Variants in CDH12 observed in about 807,000 individuals in gnomAD.
CDH12 encodes the protein cadherin 12.
In CDH12, 41 loss-of-function variants were observed where a neutral mutation model predicts 74.1. The ratio of observed to expected loss-of-function variants is 0.55; its 90% CI spans 0.43 to 0.72. The LOEUF (loss-of-function observed/expected upper bound fraction) is 0.72, where lower values mean the gene tolerates loss of function less well. CDH12 is among the 30% of genes least tolerant of loss of function. The pLI is 0.00. For missense variants in CDH12, 945 were observed against 977.2 expected, an observed-to-expected ratio of 0.97 and a Z score of 0.44; for synonymous variants, 399 against 355.0, an observed-to-expected ratio of 1.12 and a Z score of -1.39.
At chr5:22,152,862 C>T (rs7709614) in intron 4 of CDH12, among the ~76,000 whole-genome samples, 2,542 of 152,276 alleles carry the variant, frequency 0.017, 27 homozygotes, top group East Asian at 0.022. Context: ...GATATTGTGG[C>T]ATTTGTCTCT....
chr5:22,525,468 G>C (rs1006494136), intron 1 of CDH12, among the ~76,000 whole-genome samples: 2 of 145,880 alleles, frequency 1.4e-5, no homozygotes, highest in Non-Finnish European at 3.0e-5. Flanking sequence ...TTTCTGGAGA[G>C]AGAGAGCAAG....
intron 3 of CDH12, among the ~76,000 whole-genome samples, chr5:22,242,949 C>T (rs1417754998): frequency 6.6e-6 from 1 of 151,892 alleles, no homozygotes; most frequent in African/African-American, 2.4e-5. Context: ...CTGATTTATT[C>T]CCCATCCCCG....
intron 5 of CDH12, among the ~76,000 whole-genome samples, chr5:22,011,013 G>T (rs1425968826): frequency 2.0e-5 from 3 of 152,012 alleles, no homozygotes; most frequent in African/African-American, 7.3e-5. Context: ...ACTAGCCCAG[G>T]TTTAGCTGAC....
At chr5:22,782,817 G>T (rs868477714) in intron 1 of CDH12, among the ~76,000 whole-genome samples, 1 of 152,086 alleles carries the variant, frequency 6.6e-6, no homozygotes, top group Non-Finnish European at 1.5e-5. Flanking sequence ...AGCATACCTA[G>T]AACATGCATT....
intron 3 of CDH12, among the ~76,000 whole-genome samples, chr5:22,379,730 T>C (rs1741680695): frequency 6.6e-6 from 1 of 152,144 alleles, no homozygotes; most frequent in Admixed American, 6.5e-5. Flanking sequence ...ATTATGAAGC[T>C]TCACTGCAAC....
chr5:22,337,605 C>T (rs1017025317), intron 3 of CDH12, among the ~76,000 whole-genome samples: 5 of 152,168 alleles, frequency 3.3e-5, no homozygotes, highest in African/African-American at 4.8e-5. Flanking sequence ...CCATGTAAAA[C>T]GTGACTTGCT....
At chr5:22,067,767 T>C (rs890642843) in intron 5 of CDH12, among the ~76,000 whole-genome samples, 6 of 152,108 alleles carry the variant, frequency 3.9e-5, no homozygotes, top group Non-Finnish European at 7.4e-5. Flanking sequence ...GATACTCTCC[T>C]TTTTAGAAAC....
chr5:22,348,287 T>G (rs1740209794), intron 3 of CDH12, among the ~76,000 whole-genome samples: 1 of 152,190 alleles, frequency 6.6e-6, no homozygotes, highest in Non-Finnish European at 1.5e-5. Flanking sequence ...ATGACGAGGT[T>G]CACTCTGAAC....
chr5:21,873,336 T>A (rs986308816), intron 6 of CDH12, among the ~76,000 whole-genome samples: 1 of 152,156 alleles, frequency 6.6e-6, no homozygotes, highest in Non-Finnish European at 1.5e-5. Context: ...TTAAGAAGTA[T>A]GAATGTAACC....
chr5:22,425,141 A>ATGTG (rs1384334058), intron 2 of CDH12, among the ~76,000 whole-genome samples: 15 of 96,748 alleles, frequency 1.6e-4, no homozygotes, highest in South Asian at 1.2e-3. Context: ...AAAATTATAT[A>ATGTG]TATGTGTGTG....
In CDH12 at chr5:22,586,506, A is replaced by ATATATATATAT. The variant is rs1366866807; in HGVS notation, c.-522-81143_-522-81142insATATATATATA. On this transcript the variant is annotated intron_variant, in intron 1 of 14. Transcript: ENST00000382254. The stretch of plus-strand genomic sequence containing the variant: ...GTATAATAAAATATATATATATATA[A>ATATATATATAT]ATAAAAATAAAACTTGAAGTAAAAT... Among the ~76,000 whole-genome samples the ATATATATATAT allele has an allele frequency of 2.2e-3, 282 of 129,080 alleles. 2 individuals are homozygous for ATATATATATAT. Among genetic ancestry groups the ATATATATATAT allele is most frequent in the African/African-American group, 8.0e-3 (270 of 33,946 alleles). 84.7% of individuals were successfully genotyped at this position (129,080 alleles called of 152,430 possible). A position where few individuals can be genotyped will look rare whatever the true frequency, so the allele number is the denominator to read the frequency against.
intron 1 of CDH12, among the ~76,000 whole-genome samples, chr5:22,731,188 G>A (rs938641124): frequency 6.6e-6 from 1 of 151,706 alleles, no homozygotes. Flanking sequence ...TTATTATTCA[G>A]GTTTCACTTA....
chr5:22,283,241 TATATATATATACACAC>T (rs1736986251), intron 3 of CDH12, among the ~76,000 whole-genome samples: 4 of 118,326 alleles, frequency 3.4e-5, no homozygotes, highest in African/African-American at 1.5e-4. Flanking sequence ...TATATATATA[TATATATATATACACAC>T]ACACACACAC....
intron 6 of CDH12, among the ~76,000 whole-genome samples, chr5:21,871,991 A>G (rs1400473700): frequency 6.6e-6 from 1 of 152,192 alleles, no homozygotes; most frequent in Non-Finnish European, 1.5e-5. Context: ...GACCCAAGGG[A>G]AAAGAATTAT....
intron 1 of CDH12, among the ~76,000 whole-genome samples, chr5:22,740,461 AG>A (rs1455419026): frequency 2.0e-5 from 3 of 151,960 alleles, no homozygotes; most frequent in African/African-American, 7.2e-5. Flanking sequence ...TCTTAGGGTG[AG>A]TTAAAAGGCT....
intron 1 of CDH12, among the ~76,000 whole-genome samples, chr5:22,766,992 C>T (rs982839067): frequency 6.6e-6 from 1 of 151,932 alleles, no homozygotes; most frequent in African/African-American, 2.4e-5. Context: ...GGTAGGTACA[C>T]AGTAATCAAT....
At chr5:21,982,485 A>G (rs188613404) in intron 5 of CDH12, among the ~76,000 whole-genome samples, 96 of 151,810 alleles carry the variant, frequency 6.3e-4, no homozygotes, top group African/African-American at 2.2e-3. Flanking sequence ...ATATAGAGAG[A>G]TATATCTATA....
intron 2 of CDH12, among the ~76,000 whole-genome samples, chr5:22,449,774 A>G (rs1744971407): frequency 6.6e-6 from 1 of 152,064 alleles, no homozygotes; most frequent in Non-Finnish European, 1.5e-5. Flanking sequence ...TATATGCAGT[A>G]GACAATATGG....
At chr5:21,942,999 C>T (rs1312632179) in intron 6 of CDH12, among the ~76,000 whole-genome samples, 1 of 152,062 alleles carries the variant, frequency 6.6e-6, no homozygotes, top group Non-Finnish European at 1.5e-5. Context: ...CACAGTTTCC[C>T]CTAGATGTTC....
Sources: gnomAD v4.1 joint callset for allele counts (sites outside exome capture counted in the v4.1 genomes callset) on GRCh38, gnomAD v4.1.1 for gene constraint, MANE v1.5 for transcripts, NCBI Gene and HGNC (gene_info 2026-07-23, HGNC 2026-07-21) for gene names.